Variants in PLEKHM1 observed in about 807,000 individuals in gnomAD.
PLEKHM1 encodes the protein pleckstrin homology domain-containing family M member 1.
A neutral mutation model predicts 94.3 loss-of-function variants in PLEKHM1; 28 were observed. The ratio of observed to expected loss-of-function variants is 0.30; its 90% CI spans 0.22 to 0.41. PLEKHM1 has a LOEUF of 0.41. Ranked by LOEUF, PLEKHM1 falls within the 10% of genes least tolerant of loss-of-function variation. The pLI, the probability that PLEKHM1 is intolerant of heterozygous loss-of-function variation, is 1.00. For synonymous variants in PLEKHM1, 424 were observed against 581.2 expected, an observed-to-expected ratio of 0.73 and a Z score of 3.89; for missense variants, 907 against 1,358.6, an observed-to-expected ratio of 0.67 and a Z score of 5.22.
chr17:45,480,511 AAAAC>A (rs1411717752), intron 2 of PLEKHM1, among the ~76,000 whole-genome samples: 1 of 144,412 alleles, frequency 6.9e-6, no homozygotes, highest in Admixed American at 7.0e-5. Flanking sequence ...AAAAAACAAA[AAAAC>A]AAACAAAAAA....
intron 4 of PLEKHM1, among the ~76,000 whole-genome samples, chr17:45,471,073 T>C (rs569041158): frequency 5.8e-4 from 88 of 152,226 alleles, no homozygotes; most frequent in African/African-American, 2.0e-3. Flanking sequence ...CCAGAATATA[T>C]ACAGAACACT....
At chr17:45,468,149 G>A in intron 5 of PLEKHM1, 60 bp downstream of exon 5, 1 of 1,609,764 alleles carries the variant, frequency 6.2e-7, no homozygotes, top group South Asian at 1.1e-5. Flanking sequence ...ACTAGCTGGG[G>A]AAACCCTGTG....
rs2145147618 is a variant in PLEKHM1 at position 45,437,227 on chromosome 17, T to G, written c.*631A>C. The G allele has an allele frequency of 2.2e-6, 1 of 453,378 alleles. No individual in the cohort carries two copies. The allele number at this position is 453,378 out of a possible 1,614,324, so 28.1% of individuals were successfully genotyped here. A position where few individuals can be genotyped will look rare whatever the true frequency, so the allele number is the denominator to read the frequency against. On this transcript the variant is annotated 3_prime_UTR_variant, in exon 12 of 12. Transcript: ENST00000430334. This position sits in a 1 kb window ranked among gnomAD's most constrained non-coding sequence, Gnocchi z 4.0. ...ACAGAGGAACCGGGGTCGCCAGGACTGGCCCTGCCCTGCTGAGGGGCGGTT... is the reference window on the plus strand; with the variant it reads ...ACAGAGGAACCGGGGTCGCCAGGACGGGCCCTGCCCTGCTGAGGGGCGGTT...
rs765285145 is a variant in PLEKHM1, at chr17:45,454,263, T to G, written c.1589A>C (p.Asn530Thr). 1 of 1,604,960 alleles carries G rather than the reference T, an allele frequency of 6.2e-7. No homozygotes were observed. The highest frequency in any genetic ancestry group is 1.7e-5 in the Admixed American group (1 of 58,818). Residue 530 changes from asparagine to threonine, a missense_variant, in exon 7 of 12, where the codon AAC becomes ACC. Around this residue, in one of 3 missense-constraint regions of PLEKHM1, gnomAD observed 477 missense variants for 601.5 expected, o/e 0.79. Transcript: ENST00000430334. ...VVHRRQMGLSNPFRGLMKLGT... is the reference protein window; with the variant it reads ...VVHRRQMGLSTPFRGLMKLGT... ...CAGCTTCATGAGACCCCGGAATGGG[T>G]TGGACAGTCCTGGAGGCAGAGGCAA...
At chr17:45,441,978 G>A (rs958320636) in intron 9 of PLEKHM1, among the ~76,000 whole-genome samples, 5 of 152,174 alleles carry the variant, frequency 3.3e-5, no homozygotes, top group South Asian at 2.1e-4. Flanking sequence ...TGGAAGATCC[G>A]GGGGACATGG....
At chr17:45,485,482 G>A (rs1332896537) in intron 1 of PLEKHM1, among the ~76,000 whole-genome samples, 3 of 152,144 alleles carry the variant, frequency 2.0e-5, no homozygotes, top group Non-Finnish European at 4.4e-5. Flanking sequence ...TTGAATTATA[G>A]CCCAGGCCCA....
At chr17:45,440,499 T>C (rs1156998826) in intron 9 of PLEKHM1, 9 of 585,644 alleles carry the variant, frequency 1.5e-5, no homozygotes, top group African/African-American at 5.6e-5. Context: ...AAGTAACTTA[T>C]TTAAAGCATT....
chr17:45,476,512 A>G (rs2051743012), intron 3 of PLEKHM1, among the ~76,000 whole-genome samples: 1 of 152,094 alleles, frequency 6.6e-6, no homozygotes, highest in Non-Finnish European at 1.5e-5. Context: ...GAGGGTCTTA[A>G]ATATCAAATC....
rs1218530464 is a variant in PLEKHM1 at position 45,445,390 on chromosome 17, T to C, written c.2837+80A>G. ...ATGTGTATGTGTGTCTGTGTGTACA[T>C]GTGCATATAAGTATGTGTTTGTGTG... On this transcript the variant is annotated intron_variant, in intron 9 of 11. Coordinates refer to ENST00000430334, the MANE Select transcript of PLEKHM1 (RefSeq NM_014798.3). This position sits in a 1 kb window ranked among gnomAD's most constrained non-coding sequence, Gnocchi z 4.2. 11 of 1,146,058 alleles carry C rather than the reference T, an allele frequency of 9.6e-6. No individual in the cohort carries two copies. The Admixed American group carries it at 1.3e-4, about 13-fold the overall frequency. The allele number at this position is 1,146,058 out of a possible 1,614,324, so 71.0% of individuals were successfully genotyped here.
At chr17:45,483,947 G>A (rs2052033498) in intron 1 of PLEKHM1, among the ~76,000 whole-genome samples, 3 of 152,224 alleles carry the variant, frequency 2.0e-5, no homozygotes, top group South Asian at 4.1e-4. Flanking sequence ...CTTGGCCAAA[G>A]GGATTTCAAA....
intron 4 of PLEKHM1, among the ~76,000 whole-genome samples, chr17:45,471,817 G>A (rs2145300817): frequency 6.6e-6 from 1 of 152,212 alleles, no homozygotes; most frequent in African/African-American, 2.4e-5. Context: ...GAGCACTATT[G>A]ATGCCTCTGT....
At chr17:45,471,831 A>G (rs1247496212) in intron 4 of PLEKHM1, among the ~76,000 whole-genome samples, 1 of 152,220 alleles carries the variant, frequency 6.6e-6, no homozygotes, top group Non-Finnish European at 1.5e-5. Context: ...CCTCTGTGCC[A>G]GGGACCATTC....
At chr17:45,470,428 A>G (rs1389465916) in intron 4 of PLEKHM1, among the ~76,000 whole-genome samples, 1 of 152,298 alleles carries the variant, frequency 6.6e-6, no homozygotes, top group African/African-American at 2.4e-5. Context: ...CAGGAGTTCG[A>G]GATCAGCCTG....
intron 5 of PLEKHM1, among the ~76,000 whole-genome samples, chr17:45,464,377 T>C (rs1039428191): frequency 6.6e-6 from 1 of 152,228 alleles, no homozygotes; most frequent in Non-Finnish European, 1.5e-5. Flanking sequence ...AAAGACTGAA[T>C]GGGTCTCTAC....
intron 5 of PLEKHM1, among the ~76,000 whole-genome samples, chr17:45,466,895 C>T (rs2051336126): frequency 6.6e-6 from 1 of 152,126 alleles, no homozygotes; most frequent in Non-Finnish European, 1.5e-5. Flanking sequence ...TATATACCCA[C>T]AGAAATAAGC....
intron 9 of PLEKHM1, among the ~76,000 whole-genome samples, chr17:45,442,313 C>T (rs1597914560): frequency 6.6e-6 from 1 of 152,206 alleles, no homozygotes; most frequent in African/African-American, 2.4e-5. Context: ...GGTCCAGGCC[C>T]AGCTCCCTGG....
In PLEKHM1 at chr17:45,458,348, T is replaced by C. The variant is rs757764009; in HGVS notation, c.1400A>G (p.Tyr467Cys). ...AGGCCTTGACCCTGGAGTCCCCCTG[T>C]AAGAAGCTATTGGGTGGTCTGAAGC... ...ESASDHPIAS[Y>C]RGTPGSRPGL... is the part of the protein sequence containing the mutation. Residue 467 changes from tyrosine (Y) to cysteine (C), a missense_variant, in exon 6 of 12, where the codon TAC (tyrosine) becomes TGC (cysteine). Physicochemically the swap from Tyr to Cys is radical, Grantham distance 194 (BLOSUM62 -2). Around this residue, in one of 3 missense-constraint regions of PLEKHM1, gnomAD observed 477 missense variants for 601.5 expected, o/e 0.79. Coordinates refer to ENST00000430334, the MANE Select transcript of PLEKHM1 (RefSeq NM_014798.3). 3.1e-6 allele frequency: 5 copies of C among 1,613,878 alleles called. No homozygotes were observed. The African/African-American group carries it at 6.7e-5, about 22-fold the overall frequency.
intron 5 of PLEKHM1, among the ~76,000 whole-genome samples, chr17:45,464,568 G>C (rs965318619): frequency 6.6e-6 from 1 of 152,142 alleles, no homozygotes; most frequent in African/African-American, 2.4e-5. Context: ...AGGCTATTCA[G>C]TGGCACCTGG....
intron 5 of PLEKHM1, among the ~76,000 whole-genome samples, chr17:45,463,270 G>A (rs978713856): frequency 1.3e-5 from 2 of 152,068 alleles, no homozygotes; most frequent in South Asian, 2.1e-4. Flanking sequence ...CAGGTTCCTC[G>A]GAGCTTCTGC....
Sources: allele counts gnomAD v4.1 joint callset (sites outside exome capture counted in the v4.1 genomes callset), GRCh38; gene constraint gnomAD v4.1.1; regional missense constraint gnomAD v4.1.1; non-coding constraint Gnocchi (gnomAD v3.1); transcripts MANE v1.5; gene names NCBI Gene and HGNC (gene_info 2026-07-23, HGNC 2026-07-21).